GSTCD: variants seen among roughly 807,000 people sequenced by gnomAD.
GSTCD encodes the protein glutathione S-transferase C-terminal domain-containing protein.
Under a neutral mutation model 68.3 loss-of-function variants are expected in GSTCD, and 44 were observed. That is an observed-to-expected ratio of 0.64 (90% CI 0.51 to 0.83). GSTCD has a LOEUF of 0.83. Among genes scored for constraint, GSTCD ranks in the 40% least tolerant of loss-of-function variants. GSTCD has a pLI of 0.00. For synonymous variants in GSTCD, 273 were observed against 255.2 expected (o/e 1.07, Z -0.67); for missense variants, 739 against 735.9 (o/e 1.00, Z -0.05).
chr4:105,727,525 G>A (rs1428014169), intron 4 of GSTCD, among the ~76,000 whole-genome samples: 5 of 147,018 alleles, frequency 3.4e-5, no homozygotes, highest in East Asian at 2.0e-4. Flanking sequence ...ACTCTGTCTC[G>A]GAAAAAAAAA....
chr4:105,813,188 C>CA (rs1008682579), intron 5 of GSTCD, among the ~76,000 whole-genome samples: 73 of 152,064 alleles, frequency 4.8e-4, no homozygotes, highest in African/African-American at 1.5e-3. Context: ...TGAGCTGTTA[C>CA]AAAAAAGGAT....
chr4:105,773,958 T>TA (rs1448009310), intron 5 of GSTCD, among the ~76,000 whole-genome samples: 19 of 152,196 alleles, frequency 1.2e-4, no homozygotes, highest in Non-Finnish European at 1.9e-4. Context: ...AGTGGGGTGT[T>TA]AAAGTCTCCC....
At chr4:105,742,849 GGA>G (rs1733674869) in intron 5 of GSTCD, among the ~76,000 whole-genome samples, 1 of 151,694 alleles carries the variant, frequency 6.6e-6, no homozygotes, top group Admixed American at 6.6e-5. Context: ...CAATTAGCTA[GGA>G]CTACAGGTGC....
At chr4:105,793,473 T>C (rs1281924933) in intron 5 of GSTCD, among the ~76,000 whole-genome samples, 2 of 151,868 alleles carry the variant, frequency 1.3e-5, no homozygotes, top group Non-Finnish European at 2.9e-5. Flanking sequence ...TGAAATAATA[T>C]GATTGTCTGG....
chr4:105,715,430 G>A (rs941952918), intron 1 of GSTCD, among the ~76,000 whole-genome samples: 1 of 151,948 alleles, frequency 6.6e-6, no homozygotes, highest in Non-Finnish European at 1.5e-5. Context: ...AAAAGTTGTT[G>A]CTTTTACAGT....
chr4:105,725,590 T>A (rs775290964), intron 3 of GSTCD, among the ~76,000 whole-genome samples: 1 of 143,794 alleles, frequency 7.0e-6, no homozygotes, highest in Non-Finnish European at 1.5e-5. Flanking sequence ...ATGCTGAGCA[T>A]TTTTTTTATA....
chr4:105,774,693 G>T (rs952410140), intron 5 of GSTCD, among the ~76,000 whole-genome samples: 2 of 152,234 alleles, frequency 1.3e-5, no homozygotes, highest in South Asian at 4.1e-4. Context: ...CTCTCTTCTG[G>T]CTTGTAGGTT....
intron 5 of GSTCD, among the ~76,000 whole-genome samples, chr4:105,801,176 A>G (rs902404891): frequency 1.3e-5 from 2 of 152,186 alleles, no homozygotes; most frequent in African/African-American, 4.8e-5. Context: ...GTTCCACCTC[A>G]GCTAGGACTG....
intron 5 of GSTCD, among the ~76,000 whole-genome samples, chr4:105,795,709 C>T (rs1178600223): frequency 6.6e-6 from 1 of 152,142 alleles, no homozygotes; most frequent in African/African-American, 2.4e-5. Context: ...CCCTTCTCAG[C>T]TCCAGCCAGT....
In GSTCD at chr4:105,718,036, T is replaced by A; in HGVS notation, c.423T>A (p.Ala141=). ...AAAAGACTTGCTTGAAAGCCTGTGC[T>A]GAAGTAAGTATAATGTCTTTTTTCT... ...GFKKTCLKAC[A]EVSQWTRLCE... The change falls in exon 2 of 12, where the codon GCT becomes GCA. Residue 141 remains alanine (A), a synonymous_variant. Transcript: ENST00000515279. 6.3e-7 allele frequency: 1 copy of A among 1,596,308 alleles called. No homozygotes were observed. The highest frequency in any genetic ancestry group is 2.2e-5 in the East Asian group (1 of 44,798).
At chr4:105,713,940 T>C (rs1033913351) in intron 1 of GSTCD, among the ~76,000 whole-genome samples, 3 of 151,920 alleles carry the variant, frequency 2.0e-5, no homozygotes, top group African/African-American at 7.2e-5. Flanking sequence ...TGTGGAGAAG[T>C]ATGCTTGTTT....
intron 1 of GSTCD, among the ~76,000 whole-genome samples, chr4:105,716,090 C>T (rs1327878129): frequency 1.3e-5 from 2 of 152,128 alleles, no homozygotes; most frequent in African/African-American, 4.8e-5. Context: ...TCAAATACTG[C>T]TTGCTTATAT....
intron 5 of GSTCD, among the ~76,000 whole-genome samples, chr4:105,820,815 A>G (rs1376431622): frequency 6.6e-6 from 1 of 151,870 alleles, no homozygotes; most frequent in Non-Finnish European, 1.5e-5. Flanking sequence ...TAGCAAGAAA[A>G]ATAGATCTCT....
rs1327381591 is a variant in GSTCD, at chr4:105,846,714, C to T, written c.*1137C>T. On this transcript the variant is annotated 3_prime_UTR_variant, in exon 12 of 12. Coordinates refer to ENST00000515279, the MANE Select transcript of GSTCD (RefSeq NM_001370181.1). ...GAGACAGAGTTTCACTCTTGTTGCCCAGGCTGGAATTCAGTGGCTCGATCT... is the reference window on the plus strand; with the variant it reads ...GAGACAGAGTTTCACTCTTGTTGCCTAGGCTGGAATTCAGTGGCTCGATCT... The T allele has an allele frequency of 6.7e-6, 1 of 149,868 alleles. No individual in the cohort carries two copies. The highest frequency in any genetic ancestry group is 1.5e-5 in the Non-Finnish European group (1 of 67,684). The allele number at this position is 149,868 out of a possible 1,614,324, so 9.3% of individuals were successfully genotyped here. A position where few individuals can be genotyped will look rare whatever the true frequency, so the allele number is the denominator to read the frequency against.
intron 5 of GSTCD, among the ~76,000 whole-genome samples, chr4:105,743,674 T>A (rs1733710897): frequency 6.9e-6 from 1 of 145,826 alleles, no homozygotes; most frequent in Admixed American, 6.8e-5. Flanking sequence ...TTTTTTTTTT[T>A]TTTTTATGGA....
chr4:105,792,723 A>G (rs1345992578), intron 5 of GSTCD, among the ~76,000 whole-genome samples: 6 of 152,036 alleles, frequency 3.9e-5, no homozygotes. Context: ...GAGCTAGATG[A>G]CCTATAAGAT....
chr4:105,762,553 T>C (rs999357712), intron 5 of GSTCD, among the ~76,000 whole-genome samples: 2 of 152,192 alleles, frequency 1.3e-5, no homozygotes, highest in African/African-American at 4.8e-5. Flanking sequence ...TTGATATTTT[T>C]CCAAACGGCA....
At chr4:105,711,116 TAATAA>T (rs1427456238) in intron 1 of GSTCD, 1 of 152,212 alleles carries the variant, frequency 6.6e-6, no homozygotes, top group Non-Finnish European at 1.5e-5. Context: ...TATATTATTG[TAATAA>T]AATAGGGTAC....
intron 3 of GSTCD, 102 bp from the exon 4 acceptor site, chr4:105,726,477 A>G: frequency 1.4e-6 from 1 of 714,726 alleles, no homozygotes; most frequent in Non-Finnish European, 2.3e-6. Flanking sequence ...TGTTTGAACT[A>G]TACACTTAAA....
Sources: allele counts gnomAD v4.1 joint callset (sites outside exome capture counted in the v4.1 genomes callset), GRCh38; gene constraint gnomAD v4.1.1; transcripts MANE v1.5; gene names NCBI Gene and HGNC (gene_info 2026-07-23, HGNC 2026-07-21).